Variants in SOBP observed in about 807,000 individuals in gnomAD.
SOBP encodes sine oculis-binding protein homolog.
Under a neutral mutation model 53.6 loss-of-function variants are expected in SOBP, and 4 were observed. That is an observed-to-expected ratio of 0.07 (90% CI 0.04 to 0.17). SOBP has a LOEUF of 0.17. SOBP is among the 10% of genes least tolerant of loss of function. The pLI is 1.00. For missense variants in SOBP, 1,088 were observed against 1,204.7 expected (o/e 0.90, Z 1.43); for synonymous variants, 584 against 522.6 (o/e 1.12, Z -1.60).
intron 3 of SOBP, among the ~76,000 whole-genome samples, chr6:107,511,983 A>G (rs560905746): frequency 2.0e-5 from 3 of 150,680 alleles, no homozygotes; most frequent in Admixed American, 6.6e-5. Context: ...GGGAATCACC[A>G]TGATCCTTAA....
At chr6:107,521,127 C>T (rs1023730634) in intron 3 of SOBP, among the ~76,000 whole-genome samples, 38 of 148,690 alleles carry the variant, frequency 2.6e-4, no homozygotes, top group Middle Eastern at 6.8e-3. Context: ...GGCCAAGTCA[C>T]ACCCTGATAA....
intron 1 of SOBP, among the ~76,000 whole-genome samples, chr6:107,496,451 T>A (rs1460549025): frequency 6.6e-6 from 1 of 152,202 alleles, no homozygotes; most frequent in Non-Finnish European, 1.5e-5. Context: ...ACCACATGAT[T>A]TTGGTTTCAT....
At chr6:107,598,636 C>G (rs1356982466) in intron 5 of SOBP, among the ~76,000 whole-genome samples, 1 of 152,096 alleles carries the variant, frequency 6.6e-6, no homozygotes, top group African/African-American at 2.4e-5. Context: ...GTACCTGAGC[C>G]AGGAAGTACT....
At chr6:107,544,366 A>G (rs546366605) in intron 4 of SOBP, among the ~76,000 whole-genome samples, 4 of 152,336 alleles carry the variant, frequency 2.6e-5, no homozygotes, top group Admixed American at 6.5e-5. Context: ...AACAGTAACT[A>G]TGGGAGTTGC....
intron 1 of SOBP, among the ~76,000 whole-genome samples, chr6:107,500,985 A>G (rs1169091832): frequency 6.6e-6 from 1 of 152,164 alleles, no homozygotes; most frequent in Non-Finnish European, 1.5e-5. Context: ...TTTGAGATTT[A>G]TGGCTTGAAG....
chr6:107,509,623 A>G (rs976457794), intron 3 of SOBP, among the ~76,000 whole-genome samples: 3 of 152,212 alleles, frequency 2.0e-5, no homozygotes, highest in Non-Finnish European at 4.4e-5. Flanking sequence ...TAAGTTTGGC[A>G]TGCCAAAAAA....
At chr6:107,655,058 C>T (rs1042465916) in intron 6 of SOBP, among the ~76,000 whole-genome samples, 3 of 151,738 alleles carry the variant, frequency 2.0e-5, no homozygotes, top group African/African-American at 7.3e-5. Flanking sequence ...TACTGTAACT[C>T]GGGTCTCTGT....
chr6:107,616,708 G>T (rs1477047567), intron 5 of SOBP, among the ~76,000 whole-genome samples: 1 of 152,222 alleles, frequency 6.6e-6, no homozygotes, highest in African/African-American at 2.4e-5. Flanking sequence ...CTCTGCGAGG[G>T]GCCGAGCGTG....
chr6:107,619,743 A>G (rs1195311514), intron 5 of SOBP, among the ~76,000 whole-genome samples: 2 of 152,002 alleles, frequency 1.3e-5, no homozygotes, highest in Admixed American at 1.3e-4. Flanking sequence ...TGTAAACTTT[A>G]TGCTTTTGCA....
chr6:107,531,578 A>T (rs1272413657), intron 3 of SOBP, among the ~76,000 whole-genome samples: 1 of 152,148 alleles, frequency 6.6e-6, no homozygotes, highest in Non-Finnish European at 1.5e-5. Flanking sequence ...GCCATATTAG[A>T]GATCATGTAA....
At chr6:107,521,188 A>C (rs917858255) in intron 3 of SOBP, among the ~76,000 whole-genome samples, 2 of 148,554 alleles carry the variant, frequency 1.3e-5, no homozygotes, top group African/African-American at 5.0e-5. Context: ...TCACTCACCC[A>C]GTGTCTCCTA....
intron 5 of SOBP, among the ~76,000 whole-genome samples, chr6:107,618,577 A>G (rs932945204): frequency 4.6e-5 from 7 of 152,352 alleles, no homozygotes; most frequent in Admixed American, 3.9e-4. Context: ...GGCTGTTTGA[A>G]GTAGTTTTCT....
At chr6:107,532,786 A>G (rs931422999) in intron 3 of SOBP, among the ~76,000 whole-genome samples, 10 of 152,116 alleles carry the variant, frequency 6.6e-5, no homozygotes, top group African/African-American at 2.2e-4. Flanking sequence ...GAGAATTTCA[A>G]TCAGGCCTGC....
intron 5 of SOBP, among the ~76,000 whole-genome samples, chr6:107,606,810 G>A (rs1461058164): frequency 6.6e-6 from 1 of 152,202 alleles, no homozygotes; most frequent in Non-Finnish European, 1.5e-5. Flanking sequence ...GCAGATGAAT[G>A]TGTGTTGTGA....
At chr6:107,580,828 A>G (rs1426373889) in intron 4 of SOBP, among the ~76,000 whole-genome samples, 2 of 152,116 alleles carry the variant, frequency 1.3e-5, no homozygotes, top group African/African-American at 4.8e-5. Context: ...GCAGAAGTGC[A>G]TCGAATAGTT....
At chr6:107,549,575 C>T (rs535852656) in intron 4 of SOBP, among the ~76,000 whole-genome samples, 8 of 152,068 alleles carry the variant, frequency 5.3e-5, no homozygotes, top group African/African-American at 1.9e-4. Flanking sequence ...TTCCTTTCCC[C>T]CAGAAGTACA....
chr6:107,567,155 T>C (rs1467921253), intron 4 of SOBP, among the ~76,000 whole-genome samples: 1 of 152,148 alleles, frequency 6.6e-6, no homozygotes, highest in Non-Finnish European at 1.5e-5. Flanking sequence ...TTCTTATTTA[T>C]ATAGTAAAGA....
At chr6:107,502,041 C>T (rs967536792) in intron 1 of SOBP, among the ~76,000 whole-genome samples, 1 of 152,116 alleles carries the variant, frequency 6.6e-6, no homozygotes, top group Non-Finnish European at 1.5e-5. Flanking sequence ...GAGTTCAGAG[C>T]TTACGTGGGT....
intron 3 of SOBP, chr6:107,514,694 C>T (rs1417721973): frequency 6.6e-6 from 1 of 152,218 alleles, no homozygotes; most frequent in Non-Finnish European, 1.5e-5. Flanking sequence ...GGTAGTTTCT[C>T]TAAGCCTTAG....
Sources: allele counts gnomAD v4.1 joint callset (sites outside exome capture counted in the v4.1 genomes callset), GRCh38; gene constraint gnomAD v4.1.1; transcripts MANE v1.5; gene names NCBI Gene and HGNC (gene_info 2026-07-23, HGNC 2026-07-21).